Variants in CACNA1S observed in about 807,000 individuals in gnomAD.
CACNA1S encodes voltage-dependent L-type calcium channel subunit alpha-1S.
Under a neutral mutation model 207.4 loss-of-function variants are expected in CACNA1S, and 126 were observed. The ratio of observed to expected loss-of-function variants is 0.61; its 90% CI spans 0.53 to 0.70. The LOEUF (loss-of-function observed/expected upper bound fraction) is 0.70, where lower values mean the gene tolerates loss of function less well. Among genes scored for constraint, CACNA1S ranks in the 30% least tolerant of loss-of-function variants. The pLI, the probability that CACNA1S is intolerant of heterozygous loss-of-function variation, is 0.00. For missense variants in CACNA1S, 2,349 were observed against 2,422.8 expected (o/e 0.97, Z 0.64); for synonymous variants, 960 against 932.7 (o/e 1.03, Z -0.53).
chr1:201,072,322 C>T (rs1661457833), intron 16 of CACNA1S, among the ~76,000 whole-genome samples: 1 of 152,202 alleles, frequency 6.6e-6, no homozygotes, highest in South Asian at 2.1e-4. Context: ...TTCTATCCAT[C>T]CCTGTATCCT....
In CACNA1S at chr1:201,039,559, T is replaced by G; in HGVS notation, c.*272A>C. The G allele has an allele frequency of 1.8e-6, 1 of 547,786 alleles. No individual in the cohort carries two copies. Among genetic ancestry groups the G allele is most frequent in the Non-Finnish European group, 3.3e-6 (1 of 304,624 alleles). The allele number at this position is 547,786 out of a possible 1,614,324, so 33.9% of individuals were successfully genotyped here. ...GATTTTAATGTCCTGCAGGTGGGAG[T>G]GGCCCTAGGCCAGACAGGCACTGAC... is the stretch of plus-strand genomic sequence containing the variant. On this transcript the variant is annotated 3_prime_UTR_variant, in exon 44 of 44. Transcript: ENST00000362061.
In CACNA1S at chr1:201,078,031, G is replaced by A. The variant is rs1384040104; in HGVS notation, c.1467C>T (p.Arg489=). The change falls in exon 11 of 44, where the codon CGC becomes CGT. Residue 489 remains arginine, a synonymous_variant. Transcript: ENST00000362061. ...GGTTGAAGATAGACATGAAGTACTG[G>A]CGCAGGCCCAGCCCGTACATCTTCA... ...MLMKMYGLGL[R]QYFMSIFNRF... 5.0e-6 allele frequency: 8 copies of A among 1,614,066 alleles called. No individual in the cohort carries two copies. The African/African-American group carries it at 8.0e-5, about 16-fold the overall frequency.
chr1:201,076,111 T>C (rs1661610334), intron 12 of CACNA1S, among the ~76,000 whole-genome samples: 1 of 152,188 alleles, frequency 6.6e-6, no homozygotes, highest in African/African-American at 2.4e-5. Flanking sequence ...TAGAAGCTTA[T>C]TGCTGCTCTC....
chr1:201,054,651 G>A, intron 28 of CACNA1S, 90 bp from the exon 29 acceptor site: 2 of 862,980 alleles, frequency 2.3e-6, no homozygotes, highest in Non-Finnish European at 3.4e-6. Context: ...TGTCAGAAAG[G>A]ACAGACACAC....
At chr1:201,086,332 A>G (rs938012412) in intron 7 of CACNA1S, among the ~76,000 whole-genome samples, 1 of 152,252 alleles carries the variant, frequency 6.6e-6, no homozygotes, top group Non-Finnish European at 1.5e-5. Flanking sequence ...GCACAAAATA[A>G]AACCATAGCA....
intron 6 of CACNA1S, 85 bp from the exon 7 acceptor site, chr1:201,088,014 TG>T: frequency 1.1e-6 from 1 of 889,786 alleles, no homozygotes; most frequent in Non-Finnish European, 1.9e-6. Flanking sequence ...CACCCAACCC[TG>T]GGGGACAAGG....
intron 2 of CACNA1S, among the ~76,000 whole-genome samples, chr1:201,103,198 G>A (rs1334495503): frequency 4.9e-4 from 73 of 149,550 alleles, no homozygotes; most frequent in Non-Finnish European, 5.9e-5. Context: ...GTGAGGTGAA[G>A]TCGTGCCACT....
At chr1:201,093,422 T>A (rs1463605039) in intron 3 of CACNA1S, among the ~76,000 whole-genome samples, 1 of 152,236 alleles carries the variant, frequency 6.6e-6, no homozygotes, top group African/African-American at 2.4e-5. Flanking sequence ...TTGTTTCAGC[T>A]TCCCAATCTG....
chr1:201,090,830 C>T (rs72749202), intron 5 of CACNA1S, among the ~76,000 whole-genome samples: 2,695 of 152,236 alleles, frequency 0.018, 34 homozygotes, highest in Non-Finnish European at 0.028. Flanking sequence ...CTCTATCAAG[C>T]CAGGCAGTGA....
intron 13 of CACNA1S, 37 bp downstream of exon 13, chr1:201,075,458 C>CCAAGCCCTTT: frequency 6.2e-7 from 1 of 1,607,730 alleles, no homozygotes; most frequent in South Asian, 1.1e-5. Context: ...CACCCCCTCC[C>CCAAGCCCTTT]TAAGCTCTTT....
intron 11 of CACNA1S, among the ~76,000 whole-genome samples, chr1:201,077,671 G>C (rs1157517615): frequency 6.6e-6 from 1 of 151,840 alleles, no homozygotes; most frequent in Non-Finnish European, 1.5e-5. Context: ...ACTATGGTAA[G>C]AAAAAAAACA....
chr1:201,064,361 C>G (rs759534928), intron 22 of CACNA1S, among the ~76,000 whole-genome samples: 1 of 152,208 alleles, frequency 6.6e-6, no homozygotes, highest in Non-Finnish European at 1.5e-5. Context: ...CCATCCCTCC[C>G]GTCCCTCCAG....
chr1:201,062,585 G>GGGAGT, intron 22 of CACNA1S, 71 bp from the exon 23 acceptor site: 1 of 1,406,852 alleles, frequency 7.1e-7, no homozygotes, highest in Non-Finnish European at 1.0e-6. Flanking sequence ...AGTGGGCTCT[G>GGGAGT]GGAGTGAACA....
intron 2 of CACNA1S, among the ~76,000 whole-genome samples, chr1:201,095,166 A>G (rs558372247): frequency 6.6e-5 from 10 of 151,104 alleles, no homozygotes; most frequent in Non-Finnish European, 1.5e-4. Flanking sequence ...ACATATATAT[A>G]TATACACACA....
At chr1:201,111,792 A>G (rs907584773) in intron 1 of CACNA1S, among the ~76,000 whole-genome samples, 1 of 152,170 alleles carries the variant, frequency 6.6e-6, no homozygotes, top group African/African-American at 2.4e-5. Context: ...TTGGGCACAC[A>G]TGGGAACAGT....
At chr1:201,105,462 C>T (rs1477916697) in intron 2 of CACNA1S, among the ~76,000 whole-genome samples, 1 of 152,192 alleles carries the variant, frequency 6.6e-6, no homozygotes, top group African/African-American at 2.4e-5. Context: ...TCTAAGATCA[C>T]ACAGCTAGTA....
intron 37 of CACNA1S, 53 bp downstream of exon 37, chr1:201,047,472 C>A: frequency 6.9e-7 from 1 of 1,459,530 alleles, no homozygotes; most frequent in Non-Finnish European, 9.6e-7. Context: ...AGAAGCTCCC[C>A]ACTCCCATTC....
In CACNA1S at chr1:201,081,495, G is replaced by A. The variant is rs57545310; in HGVS notation, c.1393+1667C>T. Among the ~76,000 whole-genome samples, 826 of 152,270 alleles carry A rather than the reference G, an allele frequency of 5.4e-3. 9 individuals are homozygous for A. The highest frequency in any genetic ancestry group is 0.019 in the African/African-American group (778 of 41,552). On this transcript the variant is annotated intron_variant, in intron 10 of 43. Transcript: ENST00000362061. ...AGGTGAACATCTACCATGTGGACGA[G>A]GCCGACTCACTGACCTTCCACCAAG...
intron 17 of CACNA1S, 45 bp from the exon 18 acceptor site, chr1:201,069,646 G>A (rs1661383069): frequency 6.5e-7 from 1 of 1,548,924 alleles, no homozygotes; most frequent in Non-Finnish European, 8.7e-7. Flanking sequence ...TGAGCTGCTG[G>A]AGGCTCAGGC....
Sources: gnomAD v4.1 joint callset for allele counts (sites outside exome capture counted in the v4.1 genomes callset) on GRCh38, gnomAD v4.1.1 for gene constraint, MANE v1.5 for transcripts, NCBI Gene and HGNC (gene_info 2026-07-23, HGNC 2026-07-21) for gene names.